The following RNF14 variants were observed in gnomAD, a reference collection of about 807,000 sequenced individuals.
The protein encoded by RNF14 is E3 ubiquitin-protein ligase RNF14.
In RNF14, 26 loss-of-function variants were observed where a neutral mutation model predicts 52.6. The ratio of observed to expected loss-of-function variants is 0.49; its 90% CI spans 0.36 to 0.69. The LOEUF (loss-of-function observed/expected upper bound fraction) is 0.69, where lower values mean the gene tolerates loss of function less well. Ranked by LOEUF, RNF14 falls within the 30% of genes least tolerant of loss-of-function variation. The pLI is 0.00. For synonymous variants in RNF14, 194 were observed against 202.0 expected (o/e 0.96, Z 0.34); for missense variants, 404 against 560.4 (o/e 0.72, Z 2.82).
At chr5:141,976,035 A>G (rs1476196696) in intron 4 of RNF14, among the ~76,000 whole-genome samples, 1 of 152,224 alleles carries the variant, frequency 6.6e-6, no homozygotes, top group Non-Finnish European at 1.5e-5. Flanking sequence ...CCATCCACCA[A>G]TCTAATCTTT....
chr5:141,965,487 G>C (rs1034895189), upstream of RNF14, among the ~76,000 whole-genome samples: 6 of 152,166 alleles, frequency 3.9e-5, no homozygotes, highest in African/African-American at 1.2e-4. Context: ...CTATCCTTAA[G>C]TCATAAACTC....
At chr5:141,962,811 G>A (rs1399993381), upstream of RNF14, among the ~76,000 whole-genome samples, 1 of 152,148 alleles carries the variant, frequency 6.6e-6, no homozygotes, top group African/African-American at 2.4e-5. Context: ...GGGTTGATAA[G>A]AGTTACACAC....
chr5:141,955,848 C>T, upstream of RNF14: 4 of 1,614,122 alleles, frequency 2.5e-6, no homozygotes, highest in Non-Finnish European at 3.4e-6. The surrounding 1 kb of genome is among the most constrained non-coding windows in gnomAD (Gnocchi z 5.5). Flanking sequence ...CCCACTCACT[C>T]CCAATGAGGC....
chr5:141,960,736 A>G (rs1375826468), intron 1 of RNF14, among the ~76,000 whole-genome samples: 1 of 152,236 alleles, frequency 6.6e-6, no homozygotes, highest in Non-Finnish European at 1.5e-5. Context: ...GATGCTGAGC[A>G]CACAGCGTTA....
At chr5:141,958,041 A>G, upstream of RNF14, 1 of 650,448 alleles carries the variant, frequency 1.5e-6, no homozygotes, top group South Asian at 2.0e-5. Flanking sequence ...CTTCATTGGA[A>G]GCGATCTGAG....
At chr5:141,986,443 G>A (rs1755239668) in intron 8 of RNF14, among the ~76,000 whole-genome samples, 1 of 152,216 alleles carries the variant, frequency 6.6e-6, no homozygotes, top group South Asian at 2.1e-4. Flanking sequence ...AGAATGGAGT[G>A]ATGAGCATGT....
intron 1 of RNF14, chr5:141,958,616 C>T (rs1427795423): frequency 6.6e-6 from 1 of 152,262 alleles, no homozygotes; most frequent in East Asian, 1.9e-4. Context: ...CCTGATCACC[C>T]GTTTTTGTCT....
At chr5:141,963,568 C>T (rs977559301), upstream of RNF14, among the ~76,000 whole-genome samples, 4 of 152,096 alleles carry the variant, frequency 2.6e-5, no homozygotes, top group Non-Finnish European at 4.4e-5. Flanking sequence ...CTGTTTTACA[C>T]GAAAGAACCA....
At chr5:141,981,045 C>T (rs187553799) in intron 6 of RNF14, among the ~76,000 whole-genome samples, 163 of 152,210 alleles carry the variant, frequency 1.1e-3, no homozygotes, top group African/African-American at 3.9e-3. Flanking sequence ...CCCTTAACGT[C>T]GATTTAATTG....
At chr5:141,986,501 T>G (rs1010575734) in intron 8 of RNF14, among the ~76,000 whole-genome samples, 2 of 152,262 alleles carry the variant, frequency 1.3e-5, no homozygotes, top group African/African-American at 4.8e-5. Flanking sequence ...ATTGCCTGAC[T>G]TCCCCAGTCT....
chr5:141,980,247 A>G lies in RNF14; in HGVS notation c.959A>G (p.Gln320Arg). 6.2e-7 allele frequency: 1 copy of G among 1,614,256 alleles called. No individual in the cohort carries two copies. ...CCGTGCTGCCAGCTGCCTGTGATGC[A>G]GGAACCTGGCTGCACCATGGGTATC... ...PRPCCQLPVM[Q>R]EPGCTMGICS... is the part of the protein sequence containing the mutation. The change falls in exon 6 of 9, where the codon CAG becomes CGG. Residue 320 changes from glutamine (Q) to arginine (R), a missense_variant. By Grantham distance (43) the Gln-to-Arg change is conservative. Coordinates refer to ENST00000394520, the MANE Select transcript of RNF14 (RefSeq NM_004290.5).
At chr5:141,975,742 T>C (rs1337383300) in intron 4 of RNF14, among the ~76,000 whole-genome samples, 1 of 152,066 alleles carries the variant, frequency 6.6e-6, no homozygotes, top group African/African-American at 2.4e-5. Context: ...CTGTGCAACA[T>C]GGCGAAACCC....
Position 141,990,199 on chromosome 5 carries a change from G to A in RNF14, c.*2409G>A, listed in dbSNP as rs1412478339. 1 of 152,114 alleles carries A rather than the reference G, an allele frequency of 6.6e-6. No homozygotes were observed. The highest frequency in any genetic ancestry group is 1.9e-4 in the East Asian group (1 of 5,190). 9.4% of individuals were successfully genotyped at this position (152,114 alleles called of 1,614,324 possible). A position where few individuals can be genotyped will look rare whatever the true frequency, so the allele number is the denominator to read the frequency against. On this transcript the variant is annotated 3_prime_UTR_variant, in exon 9 of 9. Transcript: ENST00000394520. The stretch of plus-strand genomic sequence containing the variant: ...TTTGTCTCAGTAAAATGAAAGATTT[G>A]GGTAACTCCCCAAATGCCCTGTAAA...
intron 6 of RNF14, 68 bp downstream of exon 6, chr5:141,980,419 G>A (rs1754667399): frequency 2.6e-6 from 3 of 1,161,214 alleles, no homozygotes; most frequent in Admixed American, 1.9e-5. Flanking sequence ...CTACTACCAG[G>A]GCCTTATGAC....
At chr5:141,964,938 A>AT (rs76293615), upstream of RNF14, among the ~76,000 whole-genome samples, 15 of 151,782 alleles carry the variant, frequency 9.9e-5, no homozygotes, top group African/African-American at 3.4e-4. Context: ...GAAACCTCTA[A>AT]TTTTTTTTAA....
In RNF14 at chr5:141,987,820, T is replaced by C; in HGVS notation, c.*30T>C. The C allele has an allele frequency of 1.2e-6, 2 of 1,602,266 alleles. No individual in the cohort carries two copies. The highest frequency in any genetic ancestry group is 1.1e-5 in the South Asian group (1 of 90,800). Reference sequence around the variant, plus strand: ...CTACTGCTCAAGATATGGAAGTGGATTGTTTTTCCCTAATCTTCCGTCAAG... The same window carrying C: ...CTACTGCTCAAGATATGGAAGTGGACTGTTTTTCCCTAATCTTCCGTCAAG... On this transcript the variant is annotated 3_prime_UTR_variant, in exon 9 of 9. Coordinates refer to ENST00000394520, the MANE Select transcript of RNF14 (RefSeq NM_004290.5).
chr5:141,957,945 C>A, upstream of RNF14: 1 of 1,420,968 alleles, frequency 7.0e-7, no homozygotes, highest in Admixed American at 2.2e-5. This position sits in a 1 kb window ranked among gnomAD's most constrained non-coding sequence, Gnocchi z 4.3. Context: ...TGATCAGCCC[C>A]GTGCTCCTTC....
At chr5:141,985,025 C>G (rs1755113323) in intron 8 of RNF14, 92 bp downstream of exon 8, 6 of 1,137,212 alleles carry the variant, frequency 5.3e-6, no homozygotes, top group Non-Finnish European at 7.6e-6. Context: ...AGTACTTGGA[C>G]TTATTTAGAG....
At chr5:141,957,807 A>G (rs200686843), upstream of RNF14, 1 of 1,603,224 alleles carries the variant, frequency 6.2e-7, no homozygotes, top group African/African-American at 1.3e-5. This position sits in a 1 kb window ranked among gnomAD's most constrained non-coding sequence, Gnocchi z 4.3. Context: ...ATAAGTAGCC[A>G]CCTGGCCCCA....
Sources: allele counts gnomAD v4.1 joint callset (sites outside exome capture counted in the v4.1 genomes callset), GRCh38; gene constraint gnomAD v4.1.1; non-coding constraint Gnocchi (gnomAD v3.1); transcripts MANE v1.5; gene names NCBI Gene and HGNC (gene_info 2026-07-23, HGNC 2026-07-21).